The following KIRREL3 variants were observed in gnomAD, a reference collection of about 807,000 sequenced individuals.
The protein encoded by KIRREL3 is kirre like nephrin family adhesion molecule 3, also known as kin of IRRE-like protein 3.
Under a neutral mutation model 89.7 loss-of-function variants are expected in KIRREL3, and 36 were observed. The observed-to-expected ratio is 0.40, with a 90% confidence interval of 0.31 to 0.53. KIRREL3 has a LOEUF of 0.53. Ranked by LOEUF, KIRREL3 falls within the 20% of genes least tolerant of loss-of-function variation. The pLI, the probability that KIRREL3 is intolerant of heterozygous loss-of-function variation, is 0.49. For synonymous variants in KIRREL3, 445 were observed against 441.4 expected, an observed-to-expected ratio of 1.01 and a Z score of -0.10; for missense variants, 864 against 1,056.6, an observed-to-expected ratio of 0.82 and a Z score of 2.53.
At chr11:126,798,215 C>T (rs552260838) in intron 1 of KIRREL3, among the ~76,000 whole-genome samples, 4 of 152,102 alleles carry the variant, frequency 2.6e-5, no homozygotes, top group Admixed American at 2.6e-4. Context: ...GGCCTTCCCT[C>T]TCTGAGATCC....
chr11:126,450,009 CCA>C (rs1955969631), intron 7 of KIRREL3, among the ~76,000 whole-genome samples: 1 of 152,232 alleles, frequency 6.6e-6, no homozygotes, highest in African/African-American at 2.4e-5. Context: ...CCAATCGGTA[CCA>C]CACAATAGGG....
chr11:126,833,008 C>G (rs1943661847), intron 1 of KIRREL3, among the ~76,000 whole-genome samples: 1 of 152,178 alleles, frequency 6.6e-6, no homozygotes, highest in African/African-American at 2.4e-5. Context: ...GCCACACCAC[C>G]TTTAAATCAA....
Position 126,523,647 on chromosome 11 carries a change from A to G in KIRREL3, c.284-2183T>C, listed in dbSNP as rs1173688080. Among the ~76,000 whole-genome samples, 1 of 152,056 alleles carries G rather than the reference A, an allele frequency of 6.6e-6. No individual in the cohort carries two copies. The highest frequency in any genetic ancestry group is 1.5e-5 in the Non-Finnish European group (1 of 68,012). On this transcript the variant is annotated intron_variant, in intron 3 of 16. Coordinates refer to ENST00000525144, the MANE Select transcript of KIRREL3 (RefSeq NM_032531.4). This position sits in a 1 kb window ranked among gnomAD's most constrained non-coding sequence, Gnocchi z 4.9. ...CTGGGCTTTGGGAATGAGCCCAGGT[A>G]AGTTAAGCTGTCTCCCCCCAGGGCC...
intron 1 of KIRREL3, among the ~76,000 whole-genome samples, chr11:126,794,611 C>T (rs2134369756): frequency 6.6e-6 from 1 of 152,248 alleles, no homozygotes; most frequent in South Asian, 2.1e-4. Context: ...TTAATTACAA[C>T]CAAATGCTGG....
At chr11:126,494,547 T>A (rs973856580) in intron 4 of KIRREL3, among the ~76,000 whole-genome samples, 2 of 152,270 alleles carry the variant, frequency 1.3e-5, no homozygotes, top group Non-Finnish European at 2.9e-5. Flanking sequence ...TTCATTTGGA[T>A]TTTTAAAAAT....
chr11:126,502,143 C>T (rs1337107398), intron 4 of KIRREL3, among the ~76,000 whole-genome samples: 2 of 152,224 alleles, frequency 1.3e-5, no homozygotes, highest in Non-Finnish European at 2.9e-5. Flanking sequence ...CCTGCCCTGG[C>T]CTCCCCTTAA....
chr11:126,722,536 A>T (rs1470954101), intron 1 of KIRREL3, among the ~76,000 whole-genome samples: 1 of 152,260 alleles, frequency 6.6e-6, no homozygotes, highest in Non-Finnish European at 1.5e-5. Flanking sequence ...TTTTATTAGA[A>T]CACAGACATG....
At chr11:126,921,677 AATCT>A (rs1163747846) in intron 1 of KIRREL3, among the ~76,000 whole-genome samples, 6 of 142,848 alleles carry the variant, frequency 4.2e-5, no homozygotes, top group Admixed American at 7.1e-5. Flanking sequence ...ATCTATCTGT[AATCT>A]ATCTATCTGT....
At chr11:126,932,800 C>T (rs974065124) in intron 1 of KIRREL3, among the ~76,000 whole-genome samples, 2 of 152,250 alleles carry the variant, frequency 1.3e-5, no homozygotes, top group African/African-American at 2.4e-5. Flanking sequence ...GATTTCACCT[C>T]CTGGCCACGT....
chr11:126,937,682 G>A (rs1014078138), intron 1 of KIRREL3, among the ~76,000 whole-genome samples: 3 of 151,762 alleles, frequency 2.0e-5, no homozygotes, highest in African/African-American at 2.4e-5. Context: ...GGTGGATCAC[G>A]AGGTCAGGAG....
At chr11:126,863,137 C>T (rs1296589079) in intron 1 of KIRREL3, among the ~76,000 whole-genome samples, 2 of 152,224 alleles carry the variant, frequency 1.3e-5, no homozygotes, top group Admixed American at 6.5e-5. Context: ...CTGCTTCCCC[C>T]ACATGAAAGT....
intron 1 of KIRREL3, among the ~76,000 whole-genome samples, chr11:126,926,179 A>G (rs986041411): frequency 1.3e-5 from 2 of 152,230 alleles, no homozygotes; most frequent in African/African-American, 4.8e-5. Context: ...AACAAAGGAC[A>G]GGTGGGTGGC....
rs774130972 is a variant in KIRREL3 at position 126,997,457 on chromosome 11, G to A, written c.55+2998C>T. Among the ~76,000 whole-genome samples, 5 of 152,104 alleles carry A rather than the reference G, an allele frequency of 3.3e-5. No individual in the cohort carries two copies. Among genetic ancestry groups the A allele is most frequent in the Non-Finnish European group, 5.9e-5 (4 of 68,016 alleles). On this transcript the variant is annotated intron_variant, in intron 1 of 16. Coordinates refer to ENST00000525144, the MANE Select transcript of KIRREL3 (RefSeq NM_032531.4). This position sits in a 1 kb window ranked among gnomAD's most constrained non-coding sequence, Gnocchi z 4.3. ...TGGGGACTCTGGCGGGGGTGGAATC[G>A]GGAGGAATGTTATTTAGCCTTACTA...
intron 1 of KIRREL3, among the ~76,000 whole-genome samples, chr11:126,933,646 A>T (rs546684431): frequency 3.3e-5 from 5 of 152,102 alleles, no homozygotes; most frequent in Non-Finnish European, 1.5e-5. Context: ...GTTTCTACAC[A>T]CAAGAAATCA....
chr11:126,875,153 C>T (rs1016939268), intron 1 of KIRREL3, among the ~76,000 whole-genome samples: 1 of 152,108 alleles, frequency 6.6e-6, no homozygotes, highest in African/African-American at 2.4e-5. Flanking sequence ...ACCAATCAAC[C>T]AATATAGTCT....
chr11:126,562,648 T>C lies in KIRREL3; in HGVS notation c.133+187A>G, dbSNP rs1940212273. The stretch of plus-strand genomic sequence containing the variant: ...AATGCCCCTGAATCAGCATCCTGTG[T>C]TTCAGGCATTCACTATGCTTCCCCA... On this transcript the variant is annotated intron_variant, in intron 2 of 16. Coordinates refer to ENST00000525144, the MANE Select transcript of KIRREL3 (RefSeq NM_032531.4). This position sits in a 1 kb window ranked among gnomAD's most constrained non-coding sequence, Gnocchi z 4.7. 6.6e-6 allele frequency among the ~76,000 whole-genome samples: 1 copy of C among 152,088 alleles called. No individual in the cohort carries two copies. The highest frequency in any genetic ancestry group is 2.1e-4 in the South Asian group (1 of 4,820).
chr11:126,745,244 A>G (rs1949105365), intron 1 of KIRREL3, among the ~76,000 whole-genome samples: 1 of 152,110 alleles, frequency 6.6e-6, no homozygotes, highest in Non-Finnish European at 1.5e-5. Context: ...CCTAAAGAAA[A>G]CCACTCTGAA....
rs560220405 is a variant in KIRREL3, at chr11:126,644,625, G to T, written c.56-81713C>A. Among the ~76,000 whole-genome samples, 13 of 152,326 alleles carry T rather than the reference G, an allele frequency of 8.5e-5. No individual in the cohort carries two copies. The East Asian group carries it at 2.5e-3, about 29-fold the overall frequency. Reference sequence around the variant, plus strand: ...AAATCCTAGAGGAAGATGGAGTCATGTCCAGAAAACCTGCAGATGAGGTGA... The same window carrying T: ...AAATCCTAGAGGAAGATGGAGTCATTTCCAGAAAACCTGCAGATGAGGTGA... On this transcript the variant is annotated intron_variant, in intron 1 of 16. Transcript: ENST00000525144.
intron 1 of KIRREL3, among the ~76,000 whole-genome samples, chr11:126,757,925 C>T (rs894585807): frequency 2.6e-5 from 4 of 152,154 alleles, no homozygotes; most frequent in Admixed American, 2.0e-4. Flanking sequence ...TTGTCATTCT[C>T]TTATTCTGTA....
Sources: gnomAD v4.1 joint callset for allele counts (sites outside exome capture counted in the v4.1 genomes callset) on GRCh38, gnomAD v4.1.1 for gene constraint, Gnocchi (gnomAD v3.1) non-coding constraint, MANE v1.5 for transcripts, NCBI Gene and HGNC (gene_info 2026-07-23, HGNC 2026-07-21) for gene names.